Variants in GNAO1 observed in about 807,000 individuals in gnomAD.
GNAO1 encodes guanine nucleotide-binding protein G(o) subunit alpha.
For synonymous variants in GNAO1, 164 were observed against 180.7 expected, an observed-to-expected ratio of 0.91 and a Z score of 0.74; for missense variants, 166 against 478.7, an observed-to-expected ratio of 0.35 and a Z score of 6.10.
At chr16:56,268,987 C>G (rs951075435) in intron 2 of GNAO1, among the ~76,000 whole-genome samples, 1 of 152,162 alleles carries the variant, frequency 6.6e-6, no homozygotes, top group South Asian at 2.1e-4. Context: ...TCAGGGGCCA[C>G]GTCCCATTAC....
In GNAO1 at chr16:56,354,546, C is replaced by A. The variant is rs138447845; in HGVS notation, c.878-320C>A. Among the ~76,000 whole-genome samples the A allele has an allele frequency of 6.6e-6, 1 of 152,096 alleles. No homozygotes were observed. The highest frequency in any genetic ancestry group is 2.4e-5 in the African/African-American group (1 of 41,414). ...CAAAAATTAGCTGGGCGTGGTGGCA[C>A]GCGCCTGTATTACCAGCTACTCAGG... is the stretch of plus-strand genomic sequence containing the variant. On this transcript the variant is annotated intron_variant, in intron 7 of 8. Coordinates refer to ENST00000262493, the MANE Select transcript of GNAO1 (RefSeq NM_020988.3). The surrounding 1 kb of genome is among the most constrained non-coding windows in gnomAD (Gnocchi z 4.3).
chr16:56,234,125 G>A (rs140408394), intron 2 of GNAO1, among the ~76,000 whole-genome samples: 2,642 of 152,346 alleles, frequency 0.017, 48 homozygotes, highest in South Asian at 0.053. Flanking sequence ...TCCTAAAGAA[G>A]CCAGCATTAG....
At chr16:56,300,043 G>GT (rs2037328869) in intron 3 of GNAO1, among the ~76,000 whole-genome samples, 3 of 92,196 alleles carry the variant, frequency 3.3e-5, no homozygotes, top group African/African-American at 1.4e-4. Context: ...GTGTGCGCGC[G>GT]CGCGCGCGCA....
chr16:56,336,405 C>T (rs758582386), intron 5 of GNAO1: 63 of 246,208 alleles, frequency 2.6e-4, no homozygotes, highest in African/African-American at 8.6e-4. Context: ...GGTCCTCATG[C>T]GAGGAGGACT....
intron 4 of GNAO1, among the ~76,000 whole-genome samples, chr16:56,332,263 T>C (rs1224473710): frequency 6.6e-6 from 1 of 152,292 alleles, no homozygotes; most frequent in East Asian, 1.9e-4. Flanking sequence ...AGCCGGACTC[T>C]GGCCACCCTC....
intron 3 of GNAO1, among the ~76,000 whole-genome samples, chr16:56,312,066 C>T (rs1170408032): frequency 4.6e-5 from 7 of 152,116 alleles, no homozygotes; most frequent in Admixed American, 2.0e-4. Context: ...ACAGGGCTGC[C>T]GGGCTCTGGG....
chr16:56,291,942 T>G (rs2037236750), intron 3 of GNAO1, among the ~76,000 whole-genome samples: 1 of 152,224 alleles, frequency 6.6e-6, no homozygotes, highest in African/African-American at 2.4e-5. Flanking sequence ...GCCCCACCTC[T>G]TAATATCATT....
intron 3 of GNAO1, chr16:56,276,772 G>A (rs1197919743): frequency 6.6e-6 from 1 of 152,206 alleles, no homozygotes; most frequent in Non-Finnish European, 1.5e-5. Context: ...GAGAGGGAGA[G>A]GAGAAAATAG....
chr16:56,249,237 A>G (rs1424186951), intron 2 of GNAO1, among the ~76,000 whole-genome samples: 2 of 152,120 alleles, frequency 1.3e-5, no homozygotes. Flanking sequence ...TCTGAGATAC[A>G]TGGAATGGGG....
intron 6 of GNAO1, chr16:56,345,570 A>T: frequency 5.1e-6 from 5 of 985,454 alleles, no homozygotes; most frequent in Non-Finnish European, 6.0e-6. Flanking sequence ...GTGCCTGGGG[A>T]GCCTCTGGCA....
chr16:56,294,444 T>A (rs2037264628), intron 3 of GNAO1, among the ~76,000 whole-genome samples: 1 of 151,856 alleles, frequency 6.6e-6, no homozygotes, highest in South Asian at 2.1e-4. Flanking sequence ...CTGCTGCCTC[T>A]CTTGTCACAC....
At chr16:56,231,385 G>A (rs1335890080) in intron 2 of GNAO1, among the ~76,000 whole-genome samples, 4 of 152,174 alleles carry the variant, frequency 2.6e-5, no homozygotes, top group Admixed American at 6.5e-5. Flanking sequence ...ATCACTTGCC[G>A]TCTCCACGCT....
chr16:56,278,622 A>G (rs540078392), intron 3 of GNAO1, among the ~76,000 whole-genome samples: 1 of 152,152 alleles, frequency 6.6e-6, no homozygotes, highest in Non-Finnish European at 1.5e-5. Flanking sequence ...GGAGCTTCCT[A>G]TCTAGCAGTA....
intron 2 of GNAO1, among the ~76,000 whole-genome samples, chr16:56,221,836 T>A (rs1393929530): frequency 6.6e-6 from 1 of 152,022 alleles, no homozygotes; most frequent in South Asian, 2.1e-4. Context: ...GTTGTACACA[T>A]GTCAATGTCC....
intron 2 of GNAO1, among the ~76,000 whole-genome samples, chr16:56,251,987 G>C (rs1449841313): frequency 6.6e-6 from 1 of 152,174 alleles, no homozygotes; most frequent in Non-Finnish European, 1.5e-5. Context: ...TGAGGCCCTG[G>C]TGCATGGGCA....
intron 4 of GNAO1, among the ~76,000 whole-genome samples, chr16:56,331,042 G>A (rs555064364): frequency 1.3e-5 from 2 of 152,354 alleles, no homozygotes; most frequent in East Asian, 3.9e-4. Context: ...CTTGGGCCCA[G>A]TATAGAAAGC....
intron 5 of GNAO1, 196 bp from the exon 6 acceptor site, chr16:56,336,535 G>T: frequency 1.8e-6 from 1 of 559,306 alleles, no homozygotes; most frequent in Non-Finnish European, 3.2e-6. Flanking sequence ...ACAGACTCCA[G>T]GGGTAGTGCC....
intron 3 of GNAO1, among the ~76,000 whole-genome samples, chr16:56,298,073 G>C (rs1305302098): frequency 1.3e-5 from 2 of 152,032 alleles, no homozygotes; most frequent in Non-Finnish European, 2.9e-5. Flanking sequence ...TGGGGAGGCC[G>C]AGGTGGGAGG....
chr16:56,272,312 G>GA (rs1156384891), intron 2 of GNAO1, among the ~76,000 whole-genome samples: 18 of 146,072 alleles, frequency 1.2e-4, no homozygotes, highest in South Asian at 4.3e-4. Flanking sequence ...GACTCCATCT[G>GA]AAAAAAAAAA....
Sources: gnomAD v4.1 joint callset for allele counts (sites outside exome capture counted in the v4.1 genomes callset) on GRCh38, gnomAD v4.1.1 for gene constraint, Gnocchi (gnomAD v3.1) non-coding constraint, MANE v1.5 for transcripts, NCBI Gene and HGNC (gene_info 2026-07-23, HGNC 2026-07-21) for gene names.